The following MTF2 variants were observed in gnomAD, a reference collection of about 807,000 sequenced individuals.
MTF2 encodes metal-response element-binding transcription factor 2.
In MTF2, 11 loss-of-function variants were observed where a neutral mutation model predicts 79.5. The ratio of observed to expected loss-of-function variants is 0.14; its 90% confidence interval spans 0.09 to 0.23. The LOEUF (loss-of-function observed/expected upper bound fraction) is 0.23, where lower values mean the gene tolerates loss of function less well. MTF2 is among the 10% of genes least tolerant of loss of function. MTF2 has a pLI of 1.00. For synonymous variants in MTF2, 208 were observed against 232.8 expected, an observed-to-expected ratio of 0.89 and a Z score of 0.97; for missense variants, 486 against 711.2, an observed-to-expected ratio of 0.68 and a Z score of 3.60.
rs536998444 is a variant in MTF2 at position 93,085,365 on chromosome 1, G to A, written c.5+5834G>A. On this transcript the variant is annotated intron_variant, in intron 1 of 14. Transcript: ENST00000370298. ...TAATTTTTTTGTATTTTTTAGTAGA[G>A]ACGGGGTTTCACCATGTTGGCCAGG... 3.3e-5 allele frequency among the ~76,000 whole-genome samples: 5 copies of A among 151,590 alleles called. No homozygotes were observed. The South Asian group carries it at 1.0e-3, about 32-fold the overall frequency.
At chr1:93,082,243 A>G (rs1654636405) in intron 1 of MTF2, among the ~76,000 whole-genome samples, 1 of 152,126 alleles carries the variant, frequency 6.6e-6, no homozygotes, top group Admixed American at 6.6e-5. Context: ...AAGTGAGCAG[A>G]ATAGAATAGT....
At chr1:93,079,836 G>A (rs1654526789) in intron 1 of MTF2, among the ~76,000 whole-genome samples, 1 of 151,842 alleles carries the variant, frequency 6.6e-6, no homozygotes, top group Non-Finnish European at 1.5e-5. Context: ...AGGAACCTGG[G>A]GGCGGGAGAC....
rs761980174 is a variant in MTF2 at position 93,110,332 on chromosome 1, A to T, written c.108A>T (p.Gly36=). The T allele has an allele frequency of 2.5e-6, 4 of 1,614,180 alleles. No individual in the cohort carries two copies. Residue 36 remains glycine (G), a synonymous_variant, in exon 2 of 15, where the codon GGA becomes GGT. Transcript: ENST00000370298. The stretch of plus-strand genomic sequence containing the variant: ...TGACCAAGCTGTCTTTACAGGATGG[A>T]CATAAAGCCAAAAAGCCAGCATGTA... ...TSLTKLSLQD[G]HKAKKPACKF... is the part of the protein sequence containing the mutation.
In MTF2 at chr1:93,079,430, T is replaced by G. The variant is rs375412203; in HGVS notation, c.-97T>G. The G allele has an allele frequency of 2.0e-6, 3 of 1,488,282 alleles. No individual in the cohort carries two copies. The highest frequency in any genetic ancestry group is 3.5e-5 in the Admixed American group (2 of 56,772). The allele number at this position is 1,488,282 out of a possible 1,614,324, so 92.2% of individuals were successfully genotyped here. ...TGTGCCGGGTACCCGGTGGGGCGGG[T>G]GCCCAGTAAGTGCTCGGACTCGCAG... On this transcript the variant is annotated 5_prime_UTR_variant, in exon 1 of 15. Coordinates refer to ENST00000370298, the MANE Select transcript of MTF2 (RefSeq NM_007358.4).
At chr1:93,136,578 A>G in intron 14 of MTF2, 92 bp from the exon 15 acceptor site, 1 of 1,010,354 alleles carries the variant, frequency 9.9e-7, no homozygotes, top group Non-Finnish European at 1.5e-6. Context: ...GATATATGGT[A>G]TAGTAGAGTA....
intron 1 of MTF2, among the ~76,000 whole-genome samples, chr1:93,092,665 CTG>C (rs770938146): frequency 1.3e-5 from 2 of 152,040 alleles, no homozygotes; most frequent in African/African-American, 4.8e-5. Flanking sequence ...AATATATTCT[CTG>C]TAACATAATG....
intron 1 of MTF2, among the ~76,000 whole-genome samples, chr1:93,092,650 C>G (rs1655118982): frequency 6.6e-6 from 1 of 152,002 alleles, no homozygotes; most frequent in Admixed American, 6.6e-5. Flanking sequence ...TAAGCTTTCT[C>G]TATAAATATA....
rs1252354122 is a variant in MTF2, at chr1:93,110,174, G to T, written c.6-56G>T. 20 of 1,473,926 alleles carry T rather than the reference G, an allele frequency of 1.4e-5. No homozygotes were observed. The Admixed American group carries it at 3.5e-4, about 26-fold the overall frequency. The allele number at this position is 1,473,926 out of a possible 1,614,324, so 91.3% of individuals were successfully genotyped here. ...GATTAACATATAAAATATCCCACTG[G>T]TATAAAATAAGCTCTACAAGTAAGT... On this transcript the variant is annotated intron_variant, in intron 1 of 14. Transcript: ENST00000370298.
At position 93,129,260 on chromosome 1, in the gene MTF2, AT is replaced by A. The variant is rs749423230; in HGVS notation, c.990-11del. The A allele has an allele frequency of 1.3e-6, 2 of 1,514,134 alleles. No individual in the cohort carries two copies. Among genetic ancestry groups the A allele is most frequent in the South Asian group, 1.3e-5 (1 of 77,028 alleles). 93.8% of individuals were successfully genotyped at this position (1,514,134 alleles called of 1,614,324 possible). Reference sequence around the variant, plus strand: ...TGTTCAGTTTTTAAAATTTTAGTTAATTTTTTTAAAAATTTAGGTTTATGTC... The same window carrying A: ...TGTTCAGTTTTTAAAATTTTAGTTAATTTTTTAAAAATTTAGGTTTATGTC... On this transcript the variant is annotated splice_polypyrimidine_tract_variant and intron_variant, in intron 10 of 14. Transcript: ENST00000370298.
intron 11 of MTF2, among the ~76,000 whole-genome samples, chr1:93,131,639 G>A (rs1031595646): frequency 2.6e-5 from 4 of 152,166 alleles, no homozygotes; most frequent in South Asian, 2.1e-4. Context: ...TAGGGAGGCC[G>A]ACAAATGGAA....
chr1:93,130,946 A>AACAC (rs60658361), intron 11 of MTF2, among the ~76,000 whole-genome samples: 2,991 of 148,958 alleles, frequency 0.02, 51 homozygotes, highest in African/African-American at 0.036. Context: ...ATGAGGGACA[A>AACAC]ACACACACAC....
At chr1:93,115,764 TA>T in intron 6 of MTF2, 146 bp downstream of exon 6, 4 of 556,112 alleles carry the variant, frequency 7.2e-6, no homozygotes, top group East Asian at 3.4e-5. Context: ...ATTATTTTCA[TA>T]AAAAAATAAT....
intron 1 of MTF2, among the ~76,000 whole-genome samples, chr1:93,096,370 C>A (rs1033354993): frequency 2.0e-5 from 3 of 152,180 alleles, no homozygotes; most frequent in Non-Finnish European, 2.9e-5. Flanking sequence ...GTTACAACTT[C>A]CAAGTCTTCA....
At chr1:93,107,809 C>G (rs917816936) in intron 1 of MTF2, among the ~76,000 whole-genome samples, 4 of 151,280 alleles carry the variant, frequency 2.6e-5, no homozygotes, top group Non-Finnish European at 4.4e-5. Context: ...TTGACAGGTT[C>G]TCTCTCTGTT....
intron 11 of MTF2, among the ~76,000 whole-genome samples, chr1:93,131,670 A>G (rs1255333007): frequency 6.6e-6 from 1 of 152,234 alleles, no homozygotes; most frequent in African/African-American, 2.4e-5. Flanking sequence ...AGAGGGGGAT[A>G]GGACTAGTCA....
At chr1:93,082,526 G>A (rs1654650688) in intron 1 of MTF2, among the ~76,000 whole-genome samples, 2 of 152,106 alleles carry the variant, frequency 1.3e-5, no homozygotes, top group Non-Finnish European at 2.9e-5. Context: ...TTGGCCTCAA[G>A]CAGTCCTCCT....
chr1:93,091,711 CAG>C (rs1227063898), intron 1 of MTF2, among the ~76,000 whole-genome samples: 1 of 152,220 alleles, frequency 6.6e-6, no homozygotes, highest in African/African-American at 2.4e-5. Context: ...CCTCAAAATA[CAG>C]AGTGGTCTTT....
chr1:93,105,788 GCCTCAGC>G (rs1346679340), intron 1 of MTF2, among the ~76,000 whole-genome samples: 5 of 152,012 alleles, frequency 3.3e-5, no homozygotes, highest in Non-Finnish European at 5.9e-5. Context: ...CAGTTCTCCT[GCCTCAGC>G]CTCCTGAGTA....
chr1:93,114,060 T>TAA (rs60516501), intron 3 of MTF2, among the ~76,000 whole-genome samples: 143 of 150,702 alleles, frequency 9.5e-4, no homozygotes, highest in Middle Eastern at 3.2e-3. Flanking sequence ...CTTGTTCTGC[T>TAA]AAAAAAAATT....
Sources: gnomAD v4.1 joint callset for allele counts (sites outside exome capture counted in the v4.1 genomes callset) on GRCh38, gnomAD v4.1.1 for gene constraint, MANE v1.5 for transcripts, NCBI Gene and HGNC (gene_info 2026-07-23, HGNC 2026-07-21) for gene names.